GPSM2: variants seen among roughly 807,000 people sequenced by gnomAD.
The protein encoded by GPSM2 is G protein signaling modulator 2.
In GPSM2, 58 loss-of-function variants were observed where a neutral mutation model predicts 78.4. The observed-to-expected ratio is 0.74, with a 90% CI of 0.60 to 0.92. The LOEUF is 0.92. GPSM2 is among the 40% of genes least tolerant of loss of function. The probability of loss-of-function intolerance (pLI) is 0.00; values close to 1 mark genes in which losing one functional copy is unlikely to be tolerated. For synonymous variants in GPSM2, 224 were observed against 280.2 expected, an observed-to-expected ratio of 0.80 and a Z score of 2.00; for missense variants, 700 against 815.5, an observed-to-expected ratio of 0.86 and a Z score of 1.73.
At chr1:108,913,794 T>A (rs1313208476) in intron 10 of GPSM2, among the ~76,000 whole-genome samples, 1 of 152,198 alleles carries the variant, frequency 6.6e-6, no homozygotes, top group African/African-American at 2.4e-5. Flanking sequence ...ATATGGAAAT[T>A]CTCTGTATTT....
In GPSM2 at chr1:108,879,394, A is replaced by T. The variant is rs565075584; in HGVS notation, c.-249+2166A>T. 3.9e-5 allele frequency among the ~76,000 whole-genome samples: 6 copies of T among 152,356 alleles called. No individual in the cohort carries two copies. The East Asian group carries it at 1.2e-3, about 29-fold the overall frequency. On this transcript the variant is annotated intron_variant, in intron 1 of 14. Transcript: ENST00000264126. ...GATGACAAGAAAATGCTTCCTATTCAGTAGTTGTTTCTGGAGTTTTTGTAG... is the reference window on the plus strand; with the variant it reads ...GATGACAAGAAAATGCTTCCTATTCTGTAGTTGTTTCTGGAGTTTTTGTAG...
chr1:108,900,181 T>TTA (rs1222313524), intron 7 of GPSM2, among the ~76,000 whole-genome samples: 2 of 151,960 alleles, frequency 1.3e-5, no homozygotes, highest in East Asian at 1.9e-4. Flanking sequence ...ACTCAGAACT[T>TTA]TATATATATT....
intron 2 of GPSM2, among the ~76,000 whole-genome samples, chr1:108,885,890 G>T (rs113337018): frequency 6.6e-6 from 1 of 152,200 alleles, no homozygotes; most frequent in African/African-American, 2.4e-5. Flanking sequence ...GCTAAAAGGT[G>T]GATTTTTTAA....
At chr1:108,899,697 T>C (rs1442792398) in intron 7 of GPSM2, among the ~76,000 whole-genome samples, 2 of 152,232 alleles carry the variant, frequency 1.3e-5, no homozygotes, top group African/African-American at 2.4e-5. Context: ...TTAGTGGGGA[T>C]TGAAGCCTCT....
rs1652230312 is a variant in GPSM2, at chr1:108,932,784, A to ATTTGT, written c.*2846_*2850dup. Reference sequence around the variant, plus strand: ...AAACTGCAGGTGTCTGTCAGGATTCATTTGTTAAACATGTCCTCTGTGTTA... The same window carrying ATTTGT: ...AAACTGCAGGTGTCTGTCAGGATTCATTTGTTTTGTTAAACATGTCCTCTGTGTTA... On this transcript the variant is annotated 3_prime_UTR_variant, in exon 15 of 15. Coordinates refer to ENST00000264126, the MANE Select transcript of GPSM2 (RefSeq NM_013296.5). The ATTTGT allele has an allele frequency of 6.6e-6, 1 of 152,218 alleles. No individual in the cohort carries two copies. Among genetic ancestry groups the ATTTGT allele is most frequent in the African/African-American group, 2.4e-5 (1 of 41,452 alleles). The allele number at this position is 152,218 out of a possible 1,614,324, so 9.4% of individuals were successfully genotyped here.
At chr1:108,923,430 A>T (rs1044028461) in intron 13 of GPSM2, among the ~76,000 whole-genome samples, 1 of 152,244 alleles carries the variant, frequency 6.6e-6, no homozygotes, top group African/African-American at 2.4e-5. Flanking sequence ...CTGGATTAAA[A>T]AAGAAAAACG....
intron 13 of GPSM2, 25 bp downstream of exon 13, chr1:108,922,601 G>C: frequency 6.4e-7 from 1 of 1,553,788 alleles, no homozygotes; most frequent in Non-Finnish European, 8.9e-7. Context: ...TTTCTCCCCC[G>C]ATTTTAATAG....
At chr1:108,899,765 A>G (rs1648647502) in intron 7 of GPSM2, among the ~76,000 whole-genome samples, 1 of 152,196 alleles carries the variant, frequency 6.6e-6, no homozygotes, top group African/African-American at 2.4e-5. Flanking sequence ...ATTGATTTGT[A>G]TTTTGTTAAA....
intron 2 of GPSM2, among the ~76,000 whole-genome samples, chr1:108,893,818 G>A (rs1473741046): frequency 6.6e-6 from 1 of 152,140 alleles, no homozygotes; most frequent in African/African-American, 2.4e-5. Flanking sequence ...ACTTTGAGAG[G>A]CTGAGGCAGG....
In GPSM2 at chr1:108,929,799, C is replaced by T. The variant is rs987223472; in HGVS notation, c.1914C>T (p.Ser638=). The change falls in exon 15 of 15, where the codon TCC becomes TCT. Residue 638 remains serine (S), a synonymous_variant. Transcript: ENST00000264126. ...DEDFFSLILR[S]QGKRMDEQRV... ...ACTTTTTCAGCCTTATTTTACGGTCCCAGGGAAAGAGAATGGATGAACAGA... is the reference window on the plus strand; with the variant it reads ...ACTTTTTCAGCCTTATTTTACGGTCTCAGGGAAAGAGAATGGATGAACAGA... 1 of 1,613,864 alleles carries T rather than the reference C, an allele frequency of 6.2e-7. No individual in the cohort carries two copies. Among genetic ancestry groups the T allele is most frequent in the East Asian group, 2.2e-5 (1 of 44,868 alleles).
At chr1:108,882,153 G>A (rs1570868481) in intron 1 of GPSM2, among the ~76,000 whole-genome samples, 6 of 152,274 alleles carry the variant, frequency 3.9e-5, no homozygotes, top group Middle Eastern at 3.4e-3. Flanking sequence ...GGTCTTGTAC[G>A]TTGCCTGGGC....
In GPSM2 at chr1:108,880,428, T is replaced by A. The variant is rs1665834053; in HGVS notation, c.-249+3200T>A. On this transcript the variant is annotated intron_variant, in intron 1 of 14. Coordinates refer to ENST00000264126, the MANE Select transcript of GPSM2 (RefSeq NM_013296.5). ...GCCCAACATGGCGAAACCCTGTCTC[T>A]GATAAAAATACAAAAATTAGCCAGG... Among the ~76,000 whole-genome samples the A allele has an allele frequency of 2.0e-5, 3 of 152,178 alleles. No homozygotes were observed. In the South Asian group the frequency reaches 6.2e-4, roughly 31 times the overall value.
intron 14 of GPSM2, chr1:108,926,874 G>C (rs1343085451): frequency 6.6e-6 from 1 of 151,956 alleles, no homozygotes; most frequent in Non-Finnish European, 1.5e-5. Flanking sequence ...TCTAGCTGGA[G>C]CAATTAGGCA....
intron 1 of GPSM2, among the ~76,000 whole-genome samples, chr1:108,881,139 T>C (rs1007892065): frequency 2.0e-5 from 3 of 152,220 alleles, no homozygotes; most frequent in Admixed American, 6.5e-5. Context: ...AGTTGATCTT[T>C]CTATATGTCT....
At chr1:108,927,512 A>G (rs1169103535) in intron 14 of GPSM2, among the ~76,000 whole-genome samples, 2 of 152,200 alleles carry the variant, frequency 1.3e-5, no homozygotes, top group African/African-American at 2.4e-5. Flanking sequence ...ATAATATGCA[A>G]CAGGGGTGCC....
At chr1:108,892,049 G>A (rs891277562) in intron 2 of GPSM2, among the ~76,000 whole-genome samples, 27 of 152,114 alleles carry the variant, frequency 1.8e-4, no homozygotes, top group African/African-American at 5.8e-4. Flanking sequence ...CACTGGTGAT[G>A]GAAAAGGTTC....
At chr1:108,926,677 T>A (rs937376482) in intron 14 of GPSM2, 4 of 152,132 alleles carry the variant, frequency 2.6e-5, no homozygotes, top group African/African-American at 9.7e-5. Flanking sequence ...AATTCAAAAC[T>A]CTTTCATGAT....
chr1:108,917,547 C>T (rs570507656), intron 11 of GPSM2, among the ~76,000 whole-genome samples: 2 of 137,466 alleles, frequency 1.5e-5, no homozygotes, highest in African/African-American at 5.4e-5. Flanking sequence ...AGCCTGGCAA[C>T]AGAGTGAGAC....
rs1416035041 is a variant in GPSM2, at chr1:108,907,172, C to T, written c.1192+2918C>T. Among the ~76,000 whole-genome samples the T allele has an allele frequency of 2.6e-5, 4 of 152,166 alleles. No individual in the cohort carries two copies. The East Asian group carries it at 5.8e-4, about 22-fold the overall frequency. On this transcript the variant is annotated intron_variant, in intron 10 of 14. Coordinates refer to ENST00000264126, the MANE Select transcript of GPSM2 (RefSeq NM_013296.5). ...TGGTCTCTTTTGTTCATTGCCATCT[C>T]CCCAGTGTGAGGAGAAAGGATTTGT...
Sources: gnomAD v4.1 joint callset for allele counts (sites outside exome capture counted in the v4.1 genomes callset) on GRCh38, gnomAD v4.1.1 for gene constraint, MANE v1.5 for transcripts, NCBI Gene and HGNC (gene_info 2026-07-23, HGNC 2026-07-21) for gene names.